FARP1: variants seen among roughly 807,000 people sequenced by gnomAD.
The protein encoded by FARP1 is FERM, ARHGEF and pleckstrin domain-containing protein 1.
A neutral mutation model predicts 128.8 loss-of-function variants in FARP1; 52 were observed. That is an observed-to-expected ratio of 0.40 (90% CI 0.32 to 0.51). The LOEUF is 0.51. FARP1 is among the 20% of genes least tolerant of loss of function. The pLI, the probability that FARP1 is intolerant of heterozygous loss-of-function variation, is 0.45. For missense variants in FARP1, 1,333 were observed against 1,367.9 expected (o/e 0.97, Z 0.40); for synonymous variants, 580 against 551.8 (o/e 1.05, Z -0.72).
At chr13:98,156,041 C>A (rs1016202741) in intron 1 of FARP1, among the ~76,000 whole-genome samples, 2 of 152,166 alleles carry the variant, frequency 1.3e-5, no homozygotes, top group Non-Finnish European at 2.9e-5. Context: ...TCGTCTGGAG[C>A]AAGTCATTTC....
At chr13:98,436,043 A>G (rs900796961) in intron 19 of FARP1, 2 of 337,596 alleles carry the variant, frequency 5.9e-6, no homozygotes, top group African/African-American at 2.2e-5. Context: ...ATTAAAAAAA[A>G]AATTAGGTAA....
At chr13:98,257,995 A>G (rs1233157450) in intron 2 of FARP1, among the ~76,000 whole-genome samples, 1 of 151,960 alleles carries the variant, frequency 6.6e-6, no homozygotes, top group Non-Finnish European at 1.5e-5. Context: ...TTTTTTTGAG[A>G]TGGAGTCTCG....
chr13:98,280,483 G>A (rs1472426576), intron 2 of FARP1, among the ~76,000 whole-genome samples: 1 of 152,092 alleles, frequency 6.6e-6, no homozygotes, highest in African/African-American at 2.4e-5. Flanking sequence ...TGTGCTCCCC[G>A]CTCACCCCAG....
In FARP1 at chr13:98,219,359, T is replaced by G. The variant is rs527852352; in HGVS notation, c.171+5946T>G. Among the ~76,000 whole-genome samples the G allele has an allele frequency of 1.6e-3, 250 of 151,802 alleles. 1 individual carries two copies. The highest frequency in any genetic ancestry group is 5.8e-3 in the African/African-American group (240 of 41,490). On this transcript the variant is annotated intron_variant, in intron 2 of 26. Coordinates refer to ENST00000319562, the MANE Select transcript of FARP1 (RefSeq NM_005766.4). ...TTGTCTATATTTATTTATTAAAAAG[T>G]CTTTTTTTTTTTTGAGACAAGATCT... is the stretch of plus-strand genomic sequence containing the variant.
intron 16 of FARP1, among the ~76,000 whole-genome samples, chr13:98,417,326 A>G (rs1441943066): frequency 6.6e-6 from 1 of 152,064 alleles, no homozygotes; most frequent in Admixed American, 6.5e-5. Context: ...CAAGGAAGAG[A>G]ACATTAAGAG....
At chr13:98,244,476 C>G (rs928512254) in intron 2 of FARP1, 2 of 1,611,302 alleles carry the variant, frequency 1.2e-6, no homozygotes, top group African/African-American at 2.7e-5. Flanking sequence ...AGCATTTGCT[C>G]TCCTCTCTTC....
chr13:98,287,207 T>G lies in FARP1; in HGVS notation c.172-56555T>G, dbSNP rs528325465. Among the ~76,000 whole-genome samples, 10 of 117,808 alleles carry G rather than the reference T, an allele frequency of 8.5e-5. No individual in the cohort carries two copies. In the South Asian group the frequency reaches 1.1e-3, roughly 13 times the overall value. 77.3% of individuals were successfully genotyped at this position (117,808 alleles called of 152,430 possible). A position where few individuals can be genotyped will look rare whatever the true frequency, so the allele number is the denominator to read the frequency against. On this transcript the variant is annotated intron_variant, in intron 2 of 26. Transcript: ENST00000319562. The stretch of plus-strand genomic sequence containing the variant: ...CTTTCCAAATTAACCATCAGACATG[T>G]CTTTTTTTTTTTTTTTTTTTTTTTT...
intron 2 of FARP1, among the ~76,000 whole-genome samples, chr13:98,263,210 G>T (rs1366988235): frequency 6.6e-6 from 1 of 152,052 alleles, no homozygotes; most frequent in Non-Finnish European, 1.5e-5. Context: ...GTTTCTCCAT[G>T]TTGGTCAGGC....
chr13:98,386,858 C>T (rs1890116991), intron 8 of FARP1, among the ~76,000 whole-genome samples: 1 of 152,160 alleles, frequency 6.6e-6, no homozygotes, highest in African/African-American at 2.4e-5. Flanking sequence ...TTTATGACAG[C>T]ATAATTATTA....
chr13:98,392,994 G>A (rs899517477), intron 11 of FARP1, among the ~76,000 whole-genome samples: 7 of 152,158 alleles, frequency 4.6e-5, no homozygotes, highest in Non-Finnish European at 1.0e-4. Flanking sequence ...AGCTGGATGT[G>A]CCTGGGAATA....
chr13:98,284,392 C>T (rs1885071602), intron 2 of FARP1, among the ~76,000 whole-genome samples: 1 of 152,108 alleles, frequency 6.6e-6, no homozygotes, highest in African/African-American at 2.4e-5. Context: ...TTCCTATGCC[C>T]TGCCCCATCC....
chr13:98,325,259 A>G (rs138598562), intron 2 of FARP1, among the ~76,000 whole-genome samples: 386 of 152,248 alleles, frequency 2.5e-3, no homozygotes, highest in African/African-American at 9.0e-3. Flanking sequence ...TATTTTTTAC[A>G]TTATTGGATT....
chr13:98,424,522 C>T, intron 16 of FARP1, 50 bp from the exon 17 acceptor site: 1 of 1,188,508 alleles, frequency 8.4e-7, no homozygotes, highest in Non-Finnish European at 1.3e-6. Context: ...CCAGGGCTGT[C>T]ATGTCACTAC....
chr13:98,169,061 ATT>A (rs1188829646), intron 1 of FARP1, among the ~76,000 whole-genome samples: 2 of 152,144 alleles, frequency 1.3e-5, no homozygotes, highest in Admixed American at 1.3e-4. Flanking sequence ...ATTTTTTAAA[ATT>A]TGTTTGATTT....
At chr13:98,312,342 T>C (rs1182457730) in intron 2 of FARP1, among the ~76,000 whole-genome samples, 1 of 151,958 alleles carries the variant, frequency 6.6e-6, no homozygotes, top group African/African-American at 2.4e-5. Context: ...GGTTTCACCG[T>C]GTTAGCCAGG....
intron 1 of FARP1, among the ~76,000 whole-genome samples, chr13:98,151,800 T>A (rs550276267): frequency 6.6e-6 from 1 of 151,538 alleles, no homozygotes; most frequent in Non-Finnish European, 1.5e-5. Context: ...TAGCTGAGAT[T>A]ACAGGTGCAC....
At chr13:98,320,244 G>A (rs1340266951) in intron 2 of FARP1, among the ~76,000 whole-genome samples, 1 of 152,206 alleles carries the variant, frequency 6.6e-6, no homozygotes, top group African/African-American at 2.4e-5. Flanking sequence ...TGTAGTTCCA[G>A]GTTCCTGAAA....
intron 5 of FARP1, among the ~76,000 whole-genome samples, chr13:98,373,436 C>A (rs1326047325): frequency 5.3e-5 from 8 of 151,748 alleles, no homozygotes; most frequent in African/African-American, 1.9e-4. Flanking sequence ...GACTATAATC[C>A]AGCACGATAG....
chr13:98,443,403 G>C (rs180721024), intron 24 of FARP1, among the ~76,000 whole-genome samples: 1 of 152,176 alleles, frequency 6.6e-6, no homozygotes, highest in Non-Finnish European at 1.5e-5. Context: ...ATCTTGTGTC[G>C]GTGGCAGGCA....
Sources: allele counts gnomAD v4.1 joint callset (sites outside exome capture counted in the v4.1 genomes callset), GRCh38; gene constraint gnomAD v4.1.1; transcripts MANE v1.5; gene names NCBI Gene and HGNC (gene_info 2026-07-23, HGNC 2026-07-21).